Variants in SLC16A7 observed in about 807,000 individuals in gnomAD.
The protein encoded by SLC16A7 is solute carrier family 16 member 7.
SLC16A7 carries 33 observed loss-of-function variants against 34.9 expected under a neutral mutation model. That is an observed-to-expected ratio of 0.94 (90% CI 0.72 to 1.26). The LOEUF (loss-of-function observed/expected upper bound fraction) is 1.26, where lower values mean the gene tolerates loss of function less well. SLC16A7 is among the 50% of genes most tolerant of loss of function. SLC16A7 has a pLI of 0.00. For synonymous variants in SLC16A7, 201 were observed against 206.6 expected (o/e 0.97, Z 0.23); for missense variants, 573 against 578.1 (o/e 0.99, Z 0.09).
intron 1 of SLC16A7, among the ~76,000 whole-genome samples, chr12:59,649,841 T>C (rs973718911): frequency 6.6e-6 from 1 of 151,846 alleles, no homozygotes; most frequent in African/African-American, 2.4e-5. Context: ...CCCAGCAACT[T>C]GGGAAGCTGA....
At chr12:59,674,129 A>G (rs2137058959) in intron 2 of SLC16A7, among the ~76,000 whole-genome samples, 1 of 152,188 alleles carries the variant, frequency 6.6e-6, no homozygotes, top group East Asian at 1.9e-4. Context: ...CTTTTGCATT[A>G]TGTTGCATAA....
chr12:59,695,525 G>T (rs1331052692), intron 2 of SLC16A7, among the ~76,000 whole-genome samples: 1 of 151,866 alleles, frequency 6.6e-6, no homozygotes. Flanking sequence ...TCATATCCCT[G>T]ACTTTTAAGC....
At position 59,733,479 on chromosome 12, in the gene SLC16A7, G is replaced by A. The variant is rs374758147; in HGVS notation, c.217+28461G>A. Among the ~76,000 whole-genome samples, 192 of 152,268 alleles carry A rather than the reference G, an allele frequency of 1.3e-3. 3 individuals carry two copies. In the South Asian group the frequency reaches 0.02, roughly 16 times the overall value. ...TTTGTGTGAGGCTGCTGGCTGGACC[G>A]GGCATACCACAAACGGCTTCTACTG... On this transcript the variant is annotated intron_variant, in intron 3 of 5. Coordinates refer to ENST00000547379, the MANE Select transcript of SLC16A7 (RefSeq NM_001270623.2).
intron 2 of SLC16A7, among the ~76,000 whole-genome samples, chr12:59,674,240 G>C (rs765079121): frequency 4.6e-5 from 7 of 152,120 alleles, no homozygotes; most frequent in Non-Finnish European, 8.8e-5. Flanking sequence ...GCCATAGAGT[G>C]TTACGTTCTT....
chr12:59,697,244 A>C (rs760639904), intron 2 of SLC16A7, among the ~76,000 whole-genome samples: 5 of 152,024 alleles, frequency 3.3e-5, no homozygotes, highest in South Asian at 2.1e-4. Flanking sequence ...AATGTGAAAC[A>C]GTTGATTATC....
In SLC16A7 at chr12:59,671,967, ATATATC is replaced by A. The variant is rs1279855609; in HGVS notation, c.-31+16718_-31+16723del. On this transcript the variant is annotated intron_variant, in intron 2 of 5. Transcript: ENST00000547379. Reference sequence around the variant, plus strand: ...TATGTGTATATATGTATATATGTGTATATATCCATATATCCGTATATATATGTGTAT... The same window carrying A: ...TATGTGTATATATGTATATATGTGTACATATATCCGTATATATATGTGTAT... 1.8e-4 allele frequency among the ~76,000 whole-genome samples: 12 copies of A among 67,230 alleles called. 1 individual carries two copies. Among genetic ancestry groups the A allele is most frequent in the African/African-American group, 9.0e-4 (12 of 13,354 alleles). The allele number at this position is 67,230 out of a possible 152,430, so 44.1% of individuals were successfully genotyped here.
At chr12:59,692,297 C>T (rs1184539008) in intron 2 of SLC16A7, among the ~76,000 whole-genome samples, 1 of 151,998 alleles carries the variant, frequency 6.6e-6, no homozygotes, top group African/African-American at 2.4e-5. Flanking sequence ...AAGATTCTCT[C>T]TCAACAGCCT....
chr12:59,657,319 G>T (rs2137025489), intron 2 of SLC16A7, among the ~76,000 whole-genome samples: 1 of 152,026 alleles, frequency 6.6e-6, no homozygotes, highest in South Asian at 2.1e-4. Context: ...ATATGTAGAT[G>T]AAGCAATTTT....
intron 3 of SLC16A7, among the ~76,000 whole-genome samples, chr12:59,755,563 CT>C (rs1880214116): frequency 6.6e-6 from 1 of 152,078 alleles, no homozygotes; most frequent in Non-Finnish European, 1.5e-5. Flanking sequence ...TGAGAAGGAC[CT>C]CTTCAAGGAG....
intron 1 of SLC16A7, among the ~76,000 whole-genome samples, chr12:59,621,325 G>A (rs771114172): frequency 3.3e-5 from 5 of 151,890 alleles, no homozygotes; most frequent in Non-Finnish European, 5.9e-5. Context: ...GAAAGCTGAA[G>A]TCTGACTACT....
intron 2 of SLC16A7, among the ~76,000 whole-genome samples, chr12:59,664,003 G>GGCATGCTGTCTCATC (rs1868995586): frequency 6.6e-6 from 1 of 152,018 alleles, no homozygotes; most frequent in Non-Finnish European, 1.5e-5. Context: ...CTCATCCACT[G>GGCATGCTGTCTCATC]ATAGAGGAGT....
intron 3 of SLC16A7, among the ~76,000 whole-genome samples, chr12:59,712,600 T>C (rs756304590): frequency 1.3e-5 from 2 of 152,198 alleles, no homozygotes; most frequent in Non-Finnish European, 2.9e-5. Context: ...CCCGTTTTCA[T>C]TCAGAAACTA....
intron 2 of SLC16A7, among the ~76,000 whole-genome samples, chr12:59,667,756 C>T (rs374192115): frequency 1.1e-4 from 17 of 152,192 alleles, no homozygotes; most frequent in Admixed American, 6.5e-4. Context: ...ATGAAGAAAA[C>T]GTCTCCAGGG....
Position 59,774,713 on chromosome 12 carries a change from T to C in SLC16A7, c.418T>C (p.Tyr140His), listed in dbSNP as rs766127253. 6.2e-7 allele frequency: 1 copy of C among 1,612,326 alleles called. No individual in the cohort carries two copies. Among genetic ancestry groups the C allele is most frequent in the Non-Finnish European group, 8.5e-7 (1 of 1,179,486 alleles). ...PALTIIGKYFYRKRPMANGLA... is the reference protein window; with the variant it reads ...PALTIIGKYFHRKRPMANGLA... Reference sequence around the variant, plus strand: ...CTTAACCATAATTGGCAAATACTTCTATAGGAAGCGACCCATGGCAAATGG... The same window carrying C: ...CTTAACCATAATTGGCAAATACTTCCATAGGAAGCGACCCATGGCAAATGG... The change falls in exon 5 of 6, where the codon TAT becomes CAT. Residue 140 changes from tyrosine to histidine, a missense_variant. Tyr to His is a moderately conservative substitution (Grantham distance 83). Transcript: ENST00000547379.
At chr12:59,693,835 T>C (rs1358434733) in intron 2 of SLC16A7, among the ~76,000 whole-genome samples, 1 of 151,796 alleles carries the variant, frequency 6.6e-6, no homozygotes. Flanking sequence ...TGTTGTGTTA[T>C]AGTGGAATCA....
chr12:59,727,665 G>C (rs938085781), intron 3 of SLC16A7, among the ~76,000 whole-genome samples: 1 of 152,156 alleles, frequency 6.6e-6, no homozygotes, highest in African/African-American at 2.4e-5. Flanking sequence ...AATACCGGAG[G>C]TTTCAGTGAA....
At chr12:59,764,529 G>T (rs940073696) in intron 3 of SLC16A7, among the ~76,000 whole-genome samples, 1 of 132,884 alleles carries the variant, frequency 7.5e-6, no homozygotes, top group Non-Finnish European at 1.5e-5. Context: ...TCCCCTTCCT[G>T]TGTCCATGTG....
intron 1 of SLC16A7, among the ~76,000 whole-genome samples, chr12:59,599,315 A>G (rs997476604): frequency 2.0e-5 from 3 of 152,118 alleles, no homozygotes; most frequent in Non-Finnish European, 4.4e-5. Flanking sequence ...CTCTGCCCTG[A>G]GAACACAATA....
At chr12:59,615,513 TA>T (rs1219245171) in intron 1 of SLC16A7, among the ~76,000 whole-genome samples, 9 of 152,302 alleles carry the variant, frequency 5.9e-5, no homozygotes, top group African/African-American at 2.2e-4. Context: ...CTGATAAGAT[TA>T]AAAAGAGGCA....
Sources: gnomAD v4.1 joint callset for allele counts (sites outside exome capture counted in the v4.1 genomes callset) on GRCh38, gnomAD v4.1.1 for gene constraint, MANE v1.5 for transcripts, NCBI Gene and HGNC (gene_info 2026-07-23, HGNC 2026-07-21) for gene names.